PLXNA4: variants seen among roughly 807,000 people sequenced by gnomAD.
PLXNA4 encodes the protein plexin-A4.
PLXNA4 carries 44 observed loss-of-function variants against 191.8 expected under a neutral mutation model. That is an observed-to-expected ratio of 0.23 (90% CI 0.18 to 0.29). The LOEUF is 0.29. Among genes scored for constraint, PLXNA4 ranks in the 10% least tolerant of loss-of-function variants. The pLI is 1.00. For synonymous variants in PLXNA4, 1,082 were observed against 1,009.5 expected (o/e 1.07, Z -1.36); for missense variants, 1,800 against 2,488.8 (o/e 0.72, Z 5.89).
At chr7:132,475,422 A>T (rs966319355) in intron 3 of PLXNA4, among the ~76,000 whole-genome samples, 3 of 152,108 alleles carry the variant, frequency 2.0e-5, no homozygotes, top group Non-Finnish European at 4.4e-5. Flanking sequence ...AAGAGAGAAA[A>T]TGTTAGAGAT....
At chr7:132,465,107 A>T (rs564351806) in intron 3 of PLXNA4, among the ~76,000 whole-genome samples, 2 of 152,076 alleles carry the variant, frequency 1.3e-5, no homozygotes. Context: ...CACCACTTGC[A>T]TCCCCCACTC....
chr7:132,603,068 G>A (rs757747063), intron 2 of PLXNA4, among the ~76,000 whole-genome samples: 7 of 152,176 alleles, frequency 4.6e-5, no homozygotes, highest in Non-Finnish European at 8.8e-5. Flanking sequence ...CTGTTAGCCT[G>A]CAAATAAAAG....
chr7:132,308,860 C>A (rs988463672), intron 3 of PLXNA4, among the ~76,000 whole-genome samples: 7 of 152,144 alleles, frequency 4.6e-5, no homozygotes, highest in Middle Eastern at 6.8e-3. Flanking sequence ...TCATCCAAGC[C>A]CACTGAGAGC....
intron 3 of PLXNA4, among the ~76,000 whole-genome samples, chr7:132,468,620 G>A (rs1395396055): frequency 2.0e-5 from 3 of 152,128 alleles, no homozygotes; most frequent in Admixed American, 6.5e-5. Flanking sequence ...AGTAGAATGA[G>A]ATGAGGAGAA....
In PLXNA4 at chr7:132,429,754, T is replaced by A. The variant is rs529645318; in HGVS notation, c.1371+59538A>T. Among the ~76,000 whole-genome samples the A allele has an allele frequency of 2.0e-4, 31 of 152,276 alleles. No individual in the cohort carries two copies. In the South Asian group the frequency reaches 2.7e-3, roughly 13 times the overall value. ...TTCTCTGATTATTCCACACCCAGAG[T>A]TTAACCATTCCTTGACTCCATAAAC... is the stretch of plus-strand genomic sequence containing the variant. On this transcript the variant is annotated intron_variant, in intron 3 of 31. Coordinates refer to ENST00000321063, the MANE Select transcript of PLXNA4 (RefSeq NM_020911.2).
intron 3 of PLXNA4, among the ~76,000 whole-genome samples, chr7:132,479,228 C>T (rs1024307462): frequency 1.3e-5 from 2 of 151,430 alleles, no homozygotes; most frequent in African/African-American, 4.9e-5. Flanking sequence ...AGGATAGCAC[C>T]ACTTCACTTT....
chr7:132,575,538 G>A (rs1027466705), intron 1 of PLXNA4, among the ~76,000 whole-genome samples: 40 of 152,320 alleles, frequency 2.6e-4, no homozygotes, highest in African/African-American at 8.9e-4. Context: ...TTCGCCAGCC[G>A]GAGGCACCGG....
chr7:132,394,135 A>G (rs1793646945), intron 3 of PLXNA4, among the ~76,000 whole-genome samples: 1 of 152,136 alleles, frequency 6.6e-6, no homozygotes, highest in South Asian at 2.1e-4. Flanking sequence ...GAGAGGGGGA[A>G]GGGAACAGTT....
chr7:132,229,200 G>T (rs1798439431), intron 5 of PLXNA4, among the ~76,000 whole-genome samples: 1 of 152,216 alleles, frequency 6.6e-6, no homozygotes, highest in Non-Finnish European at 1.5e-5. Flanking sequence ...AAGAACTGTA[G>T]TTAAAAGCTT....
intron 18 of PLXNA4, 114 bp downstream of exon 18, chr7:132,181,267 C>A (rs1796692608): frequency 2.0e-6 from 3 of 1,531,998 alleles, no homozygotes; most frequent in Middle Eastern, 2.3e-4. Flanking sequence ...TACACTGCAA[C>A]CTCTGCAAGA....
At chr7:132,548,785 T>C (rs904352497) in intron 1 of PLXNA4, among the ~76,000 whole-genome samples, 5 of 152,128 alleles carry the variant, frequency 3.3e-5, no homozygotes, top group East Asian at 1.9e-4. Flanking sequence ...GGATGAGATA[T>C]GGGTTGGCAC....
chr7:132,371,884 ACT>A (rs2116901929), intron 3 of PLXNA4, among the ~76,000 whole-genome samples: 1 of 152,206 alleles, frequency 6.6e-6, no homozygotes, highest in Non-Finnish European at 1.5e-5. Flanking sequence ...CTGAGAAATA[ACT>A]CTGGGGAAAC....
chr7:132,384,524 G>A lies in PLXNA4; in HGVS notation c.1372-86302C>T, dbSNP rs565305609. ...CCATAGTCTTAAGGAAAGGAGACTG[G>A]ACAACACCAATTAACTTTTTTTGGG... On this transcript the variant is annotated intron_variant, in intron 3 of 31. Transcript: ENST00000321063. 1.0e-5 allele frequency: 10 copies of A among 986,866 alleles called. No homozygotes were observed. In the South Asian group the frequency reaches 4.7e-4, roughly 46 times the overall value. The allele number at this position is 986,866 out of a possible 1,614,324, so 61.1% of individuals were successfully genotyped here. A position where few individuals can be genotyped will look rare whatever the true frequency, so the allele number is the denominator to read the frequency against.
intron 14 of PLXNA4, among the ~76,000 whole-genome samples, chr7:132,190,008 G>C (rs962264813): frequency 6.6e-6 from 1 of 152,080 alleles, no homozygotes; most frequent in Non-Finnish European, 1.5e-5. Flanking sequence ...TGAGCTTCAG[G>C]GACCTACCAG....
At chr7:132,233,116 G>C (rs1326782285) in intron 5 of PLXNA4, among the ~76,000 whole-genome samples, 2 of 152,224 alleles carry the variant, frequency 1.3e-5, no homozygotes, top group African/African-American at 4.8e-5. Context: ...GTAAGGATGA[G>C]GGCCTTCCCC....
chr7:132,266,622 T>C (rs1450598714), intron 4 of PLXNA4, among the ~76,000 whole-genome samples: 2 of 152,198 alleles, frequency 1.3e-5, no homozygotes, highest in African/African-American at 4.8e-5. Context: ...AGGTTTTGAG[T>C]CTTGCTTATC....
chr7:132,431,285 G>T (rs1230562636), intron 3 of PLXNA4, among the ~76,000 whole-genome samples: 1 of 152,074 alleles, frequency 6.6e-6, no homozygotes, highest in Non-Finnish European at 1.5e-5. Context: ...GAGGTGGAAG[G>T]GTAGTTGACC....
At chr7:132,562,458 C>T (rs200804106) in intron 1 of PLXNA4, among the ~76,000 whole-genome samples, 1 of 40,434 alleles carries the variant, frequency 2.5e-5, no homozygotes, top group Admixed American at 2.8e-4. Context: ...TCCTCCTTCT[C>T]CTCCTCCTCC....
intron 8 of PLXNA4, 42 bp downstream of exon 8, chr7:132,226,119 T>TA: frequency 6.4e-7 from 1 of 1,556,414 alleles, no homozygotes; most frequent in South Asian, 1.1e-5. Flanking sequence ...GGATGAAACT[T>TA]GACCCCAGGA....
Sources: allele counts gnomAD v4.1 joint callset (sites outside exome capture counted in the v4.1 genomes callset), GRCh38; gene constraint gnomAD v4.1.1; transcripts MANE v1.5; gene names NCBI Gene and HGNC (gene_info 2026-07-23, HGNC 2026-07-21).